The following USP49 variants were observed in gnomAD, a reference collection of about 807,000 sequenced individuals.
The protein encoded by USP49 is ubiquitin carboxyl-terminal hydrolase 49.
Under a neutral mutation model 58.6 loss-of-function variants are expected in USP49, and 24 were observed. The observed-to-expected ratio is 0.41, with a 90% CI of 0.30 to 0.58. The LOEUF (loss-of-function observed/expected upper bound fraction) is 0.58. USP49 is among the 20% of genes least tolerant of loss of function. The pLI, the probability that USP49 is intolerant of heterozygous loss-of-function variation, is 0.30. For synonymous variants in USP49, 408 were observed against 365.1 expected, an observed-to-expected ratio of 1.12 and a Z score of -1.34; for missense variants, 703 against 866.1, an observed-to-expected ratio of 0.81 and a Z score of 2.36.
chr6:41,859,765 G>T (rs1195473772), intron 3 of USP49, among the ~76,000 whole-genome samples: 2 of 152,120 alleles, frequency 1.3e-5, no homozygotes, highest in African/African-American at 4.8e-5. Flanking sequence ...TTTTAAATTA[G>T]AGTTCAAAAA....
At position 41,888,048 on chromosome 6, in the gene USP49, C is replaced by CTTTTTTTTT. The variant is rs35468035; in HGVS notation, c.-103+3737_-103+3745dup. On this transcript the variant is annotated intron_variant, in intron 2 of 7. Coordinates refer to ENST00000682992, the MANE Select transcript of USP49 (RefSeq NM_001286554.2). ...GAGTGTTTTTAATTATCACAATCAG[C>CTTTTTTTTT]TTTTTTTTTTTTTTTTTTTTTTTTG... 5.7e-3 allele frequency among the ~76,000 whole-genome samples: 486 copies of CTTTTTTTTT among 85,508 alleles called. 13 individuals carry two copies. Among genetic ancestry groups the CTTTTTTTTT allele is most frequent in the South Asian group, 0.011 (22 of 1,998 alleles). 56.1% of individuals were successfully genotyped at this position (85,508 alleles called of 152,430 possible).
At chr6:41,819,916 G>A (rs1190177950) in intron 3 of USP49, among the ~76,000 whole-genome samples, 1 of 152,202 alleles carries the variant, frequency 6.6e-6, no homozygotes, top group Admixed American at 6.5e-5. Context: ...ATAGGCTGCA[G>A]TTAGCCAAAT....
chr6:41,894,510 T>C (rs528834077), intron 1 of USP49: 1 of 152,498 alleles, frequency 6.6e-6, no homozygotes, highest in Non-Finnish European at 1.5e-5. Flanking sequence ...TCGCCAGCAG[T>C]TCCCACCACA....
rs1166719439 is a variant in USP49, at chr6:41,805,681, T to G, written c.1303A>C (p.Lys435Gln). ...LIPFSQRKLT[K>Q]QVLKVVNTIF... ...GTATTCACCACCTTTAAGACCTGTT[T>G]GGTGAGCTTCCTCTGGGAGAAGGGG... The change falls in exon 4 of 8, where the codon AAA becomes CAA. Residue 435 changes from lysine (K) to glutamine (Q), a missense_variant. This residue lies in a region of USP49 where 66 missense variants were observed against 116.0 expected (regional missense o/e 0.57). Transcript: ENST00000682992. 6.2e-7 allele frequency: 1 copy of G among 1,614,154 alleles called. No individual in the cohort carries two copies. The highest frequency in any genetic ancestry group is 2.2e-5 in the East Asian group (1 of 44,874).
At chr6:41,855,602 T>G in intron 3 of USP49, among the ~76,000 whole-genome samples, 1 of 152,346 alleles carries the variant, frequency 6.6e-6, no homozygotes, top group East Asian at 1.9e-4. Context: ...GAATAAATTT[T>G]TAATCTGTCA....
At chr6:41,882,307 C>T (rs1435543451) in intron 2 of USP49, among the ~76,000 whole-genome samples, 2 of 152,110 alleles carry the variant, frequency 1.3e-5, no homozygotes, top group East Asian at 3.9e-4. Flanking sequence ...GATAAATACA[C>T]CAATGAGATA....
rs1320539589 is a variant in USP49 at position 41,797,865 on chromosome 6, G to A, written c.1876+859C>T. 3.2e-6 allele frequency: 3 copies of A among 943,522 alleles called. No homozygotes were observed. The African/African-American group carries it at 5.3e-5, about 17-fold the overall frequency. The allele number at this position is 943,522 out of a possible 1,614,324, so 58.4% of individuals were successfully genotyped here. A position where few individuals can be genotyped will look rare whatever the true frequency, so the allele number is the denominator to read the frequency against. ...AATAAGTACTATGTGGTAGGCAACT[G>A]CTCTTCTTATTTATTTATTTGAGTC... On this transcript the variant is annotated intron_variant, in intron 7 of 7. Transcript: ENST00000682992.
chr6:41,804,602 G>A (rs1326838418), intron 4 of USP49, among the ~76,000 whole-genome samples: 1 of 152,102 alleles, frequency 6.6e-6, no homozygotes, highest in African/African-American at 2.4e-5. Context: ...CCTTTTACAT[G>A]CTCAAAAACA....
At chr6:41,870,915 G>A (rs1400486254) in intron 3 of USP49, among the ~76,000 whole-genome samples, 5 of 151,810 alleles carry the variant, frequency 3.3e-5, no homozygotes, top group East Asian at 1.9e-4. Context: ...GCCAGGTGTC[G>A]TGGCGGGTGC....
chr6:41,815,438 G>T (rs1015404506), intron 3 of USP49, among the ~76,000 whole-genome samples: 1 of 151,676 alleles, frequency 6.6e-6, no homozygotes, highest in Non-Finnish European at 1.5e-5. Flanking sequence ...AAAAAAGAGT[G>T]GGGGGCAGAG....
At chr6:41,846,553 A>C (rs1321012225) in intron 3 of USP49, among the ~76,000 whole-genome samples, 2 of 152,182 alleles carry the variant, frequency 1.3e-5, no homozygotes, top group Non-Finnish European at 2.9e-5. Context: ...AATATGAGCA[A>C]AGTCAAGAGA....
At chr6:41,877,588 A>G (rs1429718423) in intron 2 of USP49, among the ~76,000 whole-genome samples, 2 of 146,570 alleles carry the variant, frequency 1.4e-5, no homozygotes, top group African/African-American at 2.5e-5. Context: ...TTTTTGAGAC[A>G]GTCTCGCTCT....
intron 3 of USP49, among the ~76,000 whole-genome samples, chr6:41,865,181 ATTAC>A (rs1463169897): frequency 1.3e-5 from 2 of 151,988 alleles, no homozygotes; most frequent in Non-Finnish European, 2.9e-5. Flanking sequence ...AGTAGCTAGG[ATTAC>A]AGGCACCCGC....
At chr6:41,854,098 CCT>C (rs1487263771) in intron 3 of USP49, among the ~76,000 whole-genome samples, 2 of 151,234 alleles carry the variant, frequency 1.3e-5, no homozygotes, top group African/African-American at 4.9e-5. Context: ...AGGTGGATCA[CCT>C]GAGGTCAGGA....
In USP49 at chr6:41,889,175, G is replaced by A. The variant is rs569529084; in HGVS notation, c.-103+2619C>T. ...AGTCTCCAGAGTAGCTGGGATTACCGGCACGTGCCACCACGTGTGGCTAAT... is the reference window on the plus strand; with the variant it reads ...AGTCTCCAGAGTAGCTGGGATTACCAGCACGTGCCACCACGTGTGGCTAAT... On this transcript the variant is annotated intron_variant, in intron 2 of 7. Coordinates refer to ENST00000682992, the MANE Select transcript of USP49 (RefSeq NM_001286554.2). Among the ~76,000 whole-genome samples the A allele has an allele frequency of 8.6e-5, 13 of 152,028 alleles. No individual in the cohort carries two copies. In the South Asian group the frequency reaches 1.2e-3, roughly 15 times the overall value.
intron 3 of USP49, among the ~76,000 whole-genome samples, chr6:41,855,343 C>A (rs186265841): frequency 6.6e-6 from 1 of 151,704 alleles, no homozygotes; most frequent in Non-Finnish European, 1.5e-5. Context: ...GGTGAAATCC[C>A]GTCTCTACTA....
At chr6:41,870,688 A>ATT (rs70987539) in intron 3 of USP49, among the ~76,000 whole-genome samples, 5 of 116,026 alleles carry the variant, frequency 4.3e-5, no homozygotes, top group African/African-American at 3.2e-5. Context: ...CACCTGGCTA[A>ATT]TTTTTTTTTT....
At chr6:41,885,087 T>C (rs575317568) in intron 2 of USP49, among the ~76,000 whole-genome samples, 55 of 152,352 alleles carry the variant, frequency 3.6e-4, no homozygotes, top group Non-Finnish European at 1.2e-4. Context: ...TTATTTGTTC[T>C]ATGTAACGCC....
chr6:41,800,443 A>G (rs1440554249), intron 5 of USP49, among the ~76,000 whole-genome samples: 1 of 152,210 alleles, frequency 6.6e-6, no homozygotes, highest in Non-Finnish European at 1.5e-5. Flanking sequence ...GTTACAAGCA[A>G]CTCAAATCTT....
Sources: allele counts gnomAD v4.1 joint callset (sites outside exome capture counted in the v4.1 genomes callset), GRCh38; gene constraint gnomAD v4.1.1; regional missense constraint gnomAD v4.1.1; transcripts MANE v1.5; gene names NCBI Gene and HGNC (gene_info 2026-07-23, HGNC 2026-07-21).